The following OR2C1 variants were observed in gnomAD, a reference collection of about 807,000 sequenced individuals.
The protein encoded by OR2C1 is olfactory receptor family 2 subfamily C member 1, also known as olfactory receptor 2C1.
For synonymous variants in OR2C1, 209 were observed against 167.3 expected, an observed-to-expected ratio of 1.25 and a Z score of -1.92; for missense variants, 468 against 388.3, an observed-to-expected ratio of 1.21 and a Z score of -1.73.
chr16:3,337,642 A>C, the OR2C1 span, among the ~76,000 whole-genome samples: 3 of 151,854 alleles, frequency 2.0e-5, no homozygotes, highest in African/African-American at 7.3e-5. Flanking sequence ...TACATTTTTG[A>C]ATTGTTTTCC....
rs200265419 is a variant in OR2C1, at chr16:3,356,707, G to A, written c.767G>A (p.Ser256Asn). The change falls in exon 1 of 1, where the codon AGC becomes AAC. Residue 256 changes from serine to asparagine, a missense_variant. Coordinates refer to ENST00000304936, the MANE Select transcript of OR2C1 (RefSeq NM_012368.3). ...LVVFLFYGSA[S>N]YGYLLPAKNS... ...GTGTTCCTCTTCTATGGCTCAGCCA[G>A]CTATGGGTATCTGCTTCCGGCCAAG... The A allele has an allele frequency of 2.0e-5, 32 of 1,614,088 alleles. No individual in the cohort carries two copies. The highest frequency in any genetic ancestry group is 6.8e-6 in the Non-Finnish European group (8 of 1,180,056).
the OR2C1 span, among the ~76,000 whole-genome samples, chr16:3,327,666 C>G: frequency 6.7e-6 from 1 of 148,932 alleles, no homozygotes; most frequent in Non-Finnish European, 1.5e-5. Context: ...AAGTAATCTA[C>G]TCCTGCACTT....
upstream of OR2C1, among the ~76,000 whole-genome samples, chr16:3,355,457 C>CAAAAAAAAAGA (rs2030646867): frequency 2.2e-5 from 1 of 45,486 alleles, no homozygotes; most frequent in South Asian, 1.7e-3. Context: ...GACTCTGTCT[C>CAAAAAAAAAGA]AAAAAAAAAA....
At chr16:3,338,871 A>G in the OR2C1 span, among the ~76,000 whole-genome samples, 7 of 152,192 alleles carry the variant, frequency 4.6e-5, no homozygotes, top group African/African-American at 1.7e-4. Flanking sequence ...ATTCACATAA[A>G]ATAAAATTAA....
chr16:3,334,388 G>A, the OR2C1 span, among the ~76,000 whole-genome samples: 7 of 151,252 alleles, frequency 4.6e-5, no homozygotes, highest in East Asian at 4.0e-4. Context: ...CGCCTGCCTC[G>A]GCTTCCCAAA....
chr16:3,352,738 C>CTTTT (rs56083973), upstream of OR2C1, among the ~76,000 whole-genome samples: 19 of 113,102 alleles, frequency 1.7e-4, no homozygotes, highest in East Asian at 2.6e-4. Flanking sequence ...TTCTTTCTTT[C>CTTTT]TTTTTTTTTT....
At chr16:3,340,221 G>C in the OR2C1 span, among the ~76,000 whole-genome samples, 2 of 151,994 alleles carry the variant, frequency 1.3e-5, no homozygotes, top group African/African-American at 2.4e-5. Flanking sequence ...GGAGGTTGCA[G>C]TGAGCCAAGA....
At chr16:3,355,465 A>AAAAAAAAAAAAT (rs1382052254), upstream of OR2C1, among the ~76,000 whole-genome samples, 1 of 141,638 alleles carries the variant, frequency 7.1e-6, no homozygotes, top group African/African-American at 2.6e-5. Flanking sequence ...CTCAAAAAAA[A>AAAAAAAAAAAAT]AAAAAAAGCT....
chr16:3,326,402 C>T, the OR2C1 span, among the ~76,000 whole-genome samples: 2 of 152,194 alleles, frequency 1.3e-5, no homozygotes, highest in Admixed American at 1.3e-4. Flanking sequence ...GGAAATCTTC[C>T]ACTTCTACAG....
chr16:3,326,263 G>A, the OR2C1 span, among the ~76,000 whole-genome samples: 4 of 151,890 alleles, frequency 2.6e-5, no homozygotes, highest in South Asian at 2.1e-4. Flanking sequence ...CTGGGACGCC[G>A]AGAACAAACC....
the OR2C1 span, among the ~76,000 whole-genome samples, chr16:3,325,443 A>C: frequency 7.0e-6 from 1 of 142,126 alleles, no homozygotes; most frequent in African/African-American, 2.6e-5. Context: ...TAAGGGTGTA[A>C]TTGCATTATG....
the OR2C1 span, among the ~76,000 whole-genome samples, chr16:3,349,240 G>T: frequency 1.3e-5 from 2 of 152,128 alleles, no homozygotes; most frequent in Non-Finnish European, 2.9e-5. Context: ...TTACTAGTTC[G>T]ATTACTAATC....
At chr16:3,347,129 C>A in the OR2C1 span, among the ~76,000 whole-genome samples, 1 of 149,896 alleles carries the variant, frequency 6.7e-6, no homozygotes, top group African/African-American at 2.4e-5. Context: ...TGCCTGTAGT[C>A]CCAGCTGCTC....
At chr16:3,333,719 A>G in the OR2C1 span, among the ~76,000 whole-genome samples, 1 of 152,084 alleles carries the variant, frequency 6.6e-6, no homozygotes, top group Non-Finnish European at 1.5e-5. Flanking sequence ...GATGTAATTC[A>G]TTTGTCTTGT....
rs142397376 is a variant in OR2C1, at chr16:3,356,756, GT to G, written c.818del (p.Phe273SerfsTer13). On this transcript the variant is annotated frameshift_variant, in exon 1 of 1. Coordinates refer to ENST00000304936, the MANE Select transcript of OR2C1 (RefSeq NM_012368.3). LOFTEE classifies it low-confidence loss of function (END_TRUNC). ...AGAACAGCAAACAGGACCAGGGCAA[GT>G]TCATTTCCCTGTTCTACTCGTTGGT... ...AKNSKQDQGK[F>X]ISLFYSLVTP... 87,299 of 1,614,150 alleles carry G rather than the reference GT, an allele frequency of 0.054. 2,672 individuals are homozygous for G. Among genetic ancestry groups the G allele is most frequent in the Non-Finnish European group, 0.059 (69,953 of 1,180,022 alleles).
chr16:3,349,659 G>C, the OR2C1 span, among the ~76,000 whole-genome samples: 5 of 152,070 alleles, frequency 3.3e-5, no homozygotes, highest in African/African-American at 7.2e-5. Flanking sequence ...AGGCGAACAG[G>C]GGGGAAAAAA....
the OR2C1 span, among the ~76,000 whole-genome samples, chr16:3,344,738 T>A: frequency 1.3e-5 from 2 of 149,710 alleles, no homozygotes; most frequent in African/African-American, 2.5e-5. Flanking sequence ...AAAAAAAAAA[T>A]TTTTTTTGAT....
chr16:3,353,626 C>T (rs933460926), upstream of OR2C1, among the ~76,000 whole-genome samples: 13 of 151,892 alleles, frequency 8.6e-5, no homozygotes, highest in Admixed American at 6.6e-4. Context: ...CATGGTGAAA[C>T]CCCGCCTCTA....
chr16:3,350,481 G>T, the OR2C1 span, among the ~76,000 whole-genome samples: 2 of 150,826 alleles, frequency 1.3e-5, no homozygotes, highest in African/African-American at 2.4e-5. Flanking sequence ...GCGCGATCTT[G>T]GATTGCTGCA....
Sources: gnomAD v4.1 joint callset for allele counts (sites outside exome capture counted in the v4.1 genomes callset) on GRCh38, gnomAD v4.1.1 for gene constraint, MANE v1.5 for transcripts, NCBI Gene and HGNC (gene_info 2026-07-23, HGNC 2026-07-21) for gene names.